The following COL19A1 variants were observed in gnomAD, a reference collection of about 807,000 sequenced individuals.
COL19A1 encodes collagen alpha-1(XIX) chain.
A neutral mutation model predicts 190.2 loss-of-function variants in COL19A1; 159 were observed. That is an observed-to-expected ratio of 0.84 (90% CI 0.73 to 0.95). The LOEUF is 0.95. Ranked by LOEUF, COL19A1 falls within the 40% of genes least tolerant of loss-of-function variation. The pLI is 0.00. For synonymous variants in COL19A1, 509 were observed against 458.9 expected (o/e 1.11, Z -1.39); for missense variants, 1,418 against 1,431.9 (o/e 0.99, Z 0.16).
In COL19A1 at chr6:69,956,200, A is replaced by G. The variant is rs1774411062; in HGVS notation, c.937-3796A>G. ...ACTAACCACCCATACATACATTACC[A>G]TGATCAAGACATGTATTGACCCATA... On this transcript the variant is annotated intron_variant, in intron 9 of 50. Coordinates refer to ENST00000620364, the MANE Select transcript of COL19A1 (RefSeq NM_001858.6). Among the ~76,000 whole-genome samples the G allele has an allele frequency of 2.6e-5, 4 of 151,972 alleles. No homozygotes were observed. In the South Asian group the frequency reaches 8.3e-4, roughly 31 times the overall value.
At chr6:69,938,718 G>A (rs1461402382) in intron 9 of COL19A1, among the ~76,000 whole-genome samples, 1 of 152,034 alleles carries the variant, frequency 6.6e-6, no homozygotes, top group East Asian at 1.9e-4. Context: ...AGGATTTAAT[G>A]GAGGAATGGC....
chr6:70,035,091 A>G (rs139553896), intron 13 of COL19A1, among the ~76,000 whole-genome samples: 1 of 152,298 alleles, frequency 6.6e-6, no homozygotes, highest in African/African-American at 2.4e-5. Context: ...GAAAGTCCTA[A>G]AGATACTCAT....
At chr6:69,899,118 A>G in intron 3 of COL19A1, 96 bp downstream of exon 3, 1 of 763,034 alleles carries the variant, frequency 1.3e-6, no homozygotes, top group Non-Finnish European at 2.2e-6. Context: ...TTGATACTGC[A>G]ATTTAAGATC....
rs1399618230 is a variant in COL19A1 at position 70,153,230 on chromosome 6, C to G, written c.2079+1792C>G. ...CATGTTAAATCCTGATCTTGTTACC[C>G]TATATGTTAACACTATCTCTCTCTG... is the stretch of plus-strand genomic sequence containing the variant. On this transcript the variant is annotated intron_variant, in intron 31 of 50. Transcript: ENST00000620364. Among the ~76,000 whole-genome samples, 3 of 152,208 alleles carry G rather than the reference C, an allele frequency of 2.0e-5. No homozygotes were observed. The East Asian group carries it at 5.8e-4, about 29-fold the overall frequency.
intron 49 of COL19A1, among the ~76,000 whole-genome samples, chr6:70,205,163 T>C (rs966772566): frequency 4.6e-5 from 7 of 152,192 alleles, no homozygotes; most frequent in African/African-American, 1.7e-4. Flanking sequence ...TTCTACTATA[T>C]ACTTCAAAAT....
intron 9 of COL19A1, among the ~76,000 whole-genome samples, chr6:69,956,997 A>T (rs1380339227): frequency 6.6e-6 from 1 of 152,074 alleles, no homozygotes; most frequent in Non-Finnish European, 1.5e-5. Context: ...TACTTTCTGG[A>T]TCAAATGCTG....
chr6:70,062,512 G>A (rs1780899352), intron 14 of COL19A1, among the ~76,000 whole-genome samples: 2 of 152,054 alleles, frequency 1.3e-5, no homozygotes, highest in South Asian at 4.1e-4. Context: ...ACTGGTAACG[G>A]CCACTGCAAA....
chr6:69,956,339 A>G (rs1392113701), intron 9 of COL19A1, among the ~76,000 whole-genome samples: 1 of 151,994 alleles, frequency 6.6e-6, no homozygotes, highest in African/African-American at 2.4e-5. Context: ...TAAGGATCCA[A>G]AAAATATAAA....
chr6:70,074,598 G>A (rs536338860), intron 15 of COL19A1, among the ~76,000 whole-genome samples: 109 of 151,010 alleles, frequency 7.2e-4, no homozygotes, highest in African/African-American at 2.5e-3. Flanking sequence ...TGATCTCATT[G>A]TTCCAATGAA....
intron 4 of COL19A1, among the ~76,000 whole-genome samples, chr6:69,926,897 A>G (rs148390227): frequency 9.7e-4 from 147 of 152,274 alleles, no homozygotes; most frequent in African/African-American, 3.4e-3. Context: ...ACAGAAAACA[A>G]GAAGTTCTCA....
intron 36 of COL19A1, among the ~76,000 whole-genome samples, chr6:70,164,691 G>GA (rs3838681): frequency 5.9e-5 from 9 of 151,588 alleles, no homozygotes; most frequent in Admixed American, 2.0e-4. Context: ...TGTGCCGGGG[G>GA]AAAAAAAAGA....
intron 18 of COL19A1, among the ~76,000 whole-genome samples, chr6:70,132,126 G>A (rs1020278667): frequency 6.6e-6 from 1 of 152,136 alleles, no homozygotes; most frequent in Admixed American, 6.5e-5. Flanking sequence ...AAAATTACAG[G>A]TGGTAGCTCG....
chr6:70,120,829 T>C (rs1233474764), intron 16 of COL19A1, among the ~76,000 whole-genome samples: 2 of 152,204 alleles, frequency 1.3e-5, no homozygotes, highest in African/African-American at 4.8e-5. Flanking sequence ...AAGAAACACC[T>C]GGTGTAAATG....
intron 48 of COL19A1, among the ~76,000 whole-genome samples, chr6:70,198,208 T>C (rs1376619451): frequency 6.6e-6 from 1 of 152,206 alleles, no homozygotes; most frequent in African/African-American, 2.4e-5. Context: ...ACGGCTATCG[T>C]TTCTACTGCG....
intron 4 of COL19A1, among the ~76,000 whole-genome samples, chr6:69,901,288 T>G (rs554782600): frequency 6.6e-6 from 1 of 152,362 alleles, no homozygotes; most frequent in East Asian, 1.9e-4. Flanking sequence ...GGAAATAGCA[T>G]TAATCATCTC....
At chr6:70,112,082 C>T (rs927019490) in intron 16 of COL19A1, among the ~76,000 whole-genome samples, 4 of 152,158 alleles carry the variant, frequency 2.6e-5, no homozygotes, top group Admixed American at 6.6e-5. Context: ...TAAATGGAAA[C>T]TCAAAGCATT....
intron 11 of COL19A1, among the ~76,000 whole-genome samples, chr6:69,983,636 A>G (rs1211894838): frequency 6.6e-6 from 1 of 152,136 alleles, no homozygotes; most frequent in Non-Finnish European, 1.5e-5. Context: ...AATATTGAGA[A>G]TATAATTTGC....
intron 50 of COL19A1, 68 bp downstream of exon 50, chr6:70,207,046 G>C: frequency 1.2e-6 from 2 of 1,604,258 alleles, no homozygotes; most frequent in South Asian, 2.2e-5. Context: ...TCTCCCCTAG[G>C]GTCCTTATAT....
chr6:70,152,397 TG>T (rs1787120961), intron 31 of COL19A1, among the ~76,000 whole-genome samples: 1 of 152,078 alleles, frequency 6.6e-6, no homozygotes, highest in African/African-American at 2.4e-5. Context: ...CATATACATT[TG>T]TAAGGTAGAG....
Sources: allele counts gnomAD v4.1 joint callset (sites outside exome capture counted in the v4.1 genomes callset), GRCh38; gene constraint gnomAD v4.1.1; transcripts MANE v1.5; gene names NCBI Gene and HGNC (gene_info 2026-07-23, HGNC 2026-07-21).